Variants in EPHA3 observed in about 807,000 individuals in gnomAD.
EPHA3 encodes the protein ephrin type-A receptor 3.
EPHA3 carries 42 observed loss-of-function variants against 107.1 expected under a neutral mutation model. The observed-to-expected ratio is 0.39, with a 90% confidence interval of 0.31 to 0.51. The LOEUF (loss-of-function observed/expected upper bound fraction) is 0.51. Ranked by LOEUF, EPHA3 falls within the 20% of genes least tolerant of loss-of-function variation. The pLI, the probability that EPHA3 is intolerant of heterozygous loss-of-function variation, is 0.78. For synonymous variants in EPHA3, 461 were observed against 424.8 expected, an observed-to-expected ratio of 1.09 and a Z score of -1.05; for missense variants, 1,183 against 1,211.2, an observed-to-expected ratio of 0.98 and a Z score of 0.35.
chr3:89,340,889 T>G, intron 3 of EPHA3, 27 bp from the exon 4 acceptor site: 1 of 1,576,156 alleles, frequency 6.3e-7, no homozygotes, highest in African/African-American at 1.4e-5. Context: ...ATCACAGACT[T>G]TTAAAAGAGA....
chr3:89,144,295 C>T (rs1235233147), intron 2 of EPHA3, among the ~76,000 whole-genome samples: 1 of 151,666 alleles, frequency 6.6e-6, no homozygotes, highest in South Asian at 2.1e-4. Context: ...GTCGTTTTCC[C>T]TGTCAGAATG....
intron 2 of EPHA3, among the ~76,000 whole-genome samples, chr3:89,195,835 T>C (rs1705825914): frequency 6.6e-6 from 1 of 152,172 alleles, no homozygotes; most frequent in African/African-American, 2.4e-5. Flanking sequence ...TACTTAAATC[T>C]AATTGTTGCT....
chr3:89,357,907 GC>G (rs1241771197), intron 5 of EPHA3, among the ~76,000 whole-genome samples: 1 of 151,118 alleles, frequency 6.6e-6, no homozygotes, highest in Non-Finnish European at 1.5e-5. Flanking sequence ...ATTCTAAGCT[GC>G]TTTTACAAAT....
intron 5 of EPHA3, among the ~76,000 whole-genome samples, chr3:89,354,764 A>G (rs1707908087): frequency 6.6e-6 from 1 of 151,218 alleles, no homozygotes; most frequent in African/African-American, 2.4e-5. Context: ...CAATCTTACA[A>G]CAATTTTATA....
intron 3 of EPHA3, among the ~76,000 whole-genome samples, chr3:89,282,402 A>G (rs958264106): frequency 6.6e-6 from 1 of 152,116 alleles, no homozygotes; most frequent in Non-Finnish European, 1.5e-5. Flanking sequence ...TTGATTAATC[A>G]TAAGTACTTT....
At chr3:89,256,469 C>A (rs1276330319) in intron 3 of EPHA3, among the ~76,000 whole-genome samples, 21 of 151,408 alleles carry the variant, frequency 1.4e-4, no homozygotes, top group Admixed American at 1.2e-3. Context: ...TACTCGGGAA[C>A]CTGAGGCAGG....
chr3:89,338,597 G>A (rs192544888), intron 3 of EPHA3, among the ~76,000 whole-genome samples: 1 of 152,240 alleles, frequency 6.6e-6, no homozygotes, highest in East Asian at 1.9e-4. Flanking sequence ...CGCCCAGGCC[G>A]GACTGCAGTG....
intron 3 of EPHA3, among the ~76,000 whole-genome samples, chr3:89,297,772 C>T (rs143886976): frequency 0.034 from 5,151 of 152,098 alleles, 443 homozygotes; most frequent in Admixed American, 0.2. Context: ...TGGTGGCTCA[C>T]GCCTGTAATC....
intron 3 of EPHA3, among the ~76,000 whole-genome samples, chr3:89,224,630 C>G (rs1704457127): frequency 6.6e-6 from 1 of 152,052 alleles, no homozygotes; most frequent in Admixed American, 6.6e-5. Flanking sequence ...AGGCACATCA[C>G]TTGAGGTCAG....
intron 5 of EPHA3, among the ~76,000 whole-genome samples, chr3:89,381,806 G>A (rs548788015): frequency 2.6e-5 from 4 of 152,224 alleles, no homozygotes; most frequent in Non-Finnish European, 5.9e-5. Context: ...ATCTTGTGAA[G>A]ACACAATGAT....
chr3:89,396,295 GT>G (rs931195601), intron 6 of EPHA3, among the ~76,000 whole-genome samples: 1 of 152,018 alleles, frequency 6.6e-6, no homozygotes, highest in Non-Finnish European at 1.5e-5. Flanking sequence ...TTTGTGAACT[GT>G]TTTTTTAGTT....
At chr3:89,322,666 T>C (rs1707071329) in intron 3 of EPHA3, among the ~76,000 whole-genome samples, 1 of 151,790 alleles carries the variant, frequency 6.6e-6, no homozygotes, top group Admixed American at 6.6e-5. Context: ...GTGGGAAGAG[T>C]GTACCTATAT....
At chr3:89,110,395 G>A (rs1707075383) in intron 1 of EPHA3, among the ~76,000 whole-genome samples, 2 of 151,828 alleles carry the variant, frequency 1.3e-5, no homozygotes, top group Non-Finnish European at 3.0e-5. Flanking sequence ...CATCAATATT[G>A]AAATGCCATG....
At chr3:89,145,781 G>T (rs1017941899) in intron 2 of EPHA3, among the ~76,000 whole-genome samples, 1 of 151,350 alleles carries the variant, frequency 6.6e-6, no homozygotes, top group Non-Finnish European at 1.5e-5. Flanking sequence ...TCTCAAGTGT[G>T]TCTAGAATCG....
intron 3 of EPHA3, among the ~76,000 whole-genome samples, chr3:89,304,157 G>A (rs796906234): frequency 2.4e-4 from 36 of 152,100 alleles, no homozygotes; most frequent in African/African-American, 8.4e-4. Flanking sequence ...AACCAACTGT[G>A]GTTTTCCCTC....
intron 3 of EPHA3, among the ~76,000 whole-genome samples, chr3:89,324,345 A>AT (rs1707116327): frequency 6.7e-6 from 1 of 150,178 alleles, no homozygotes; most frequent in Admixed American, 6.6e-5. Flanking sequence ...TTTTTTTTGT[A>AT]TTTTTAGTAG....
At chr3:89,185,582 A>G (rs1053936919) in intron 2 of EPHA3, among the ~76,000 whole-genome samples, 7 of 151,984 alleles carry the variant, frequency 4.6e-5, no homozygotes, top group Non-Finnish European at 1.0e-4. Context: ...TGTCTTTTGT[A>G]TCTTCTCTAG....
chr3:89,428,273 CA>C, intron 11 of EPHA3, among the ~76,000 whole-genome samples: 1 of 152,024 alleles, frequency 6.6e-6, no homozygotes, highest in African/African-American at 2.4e-5. Context: ...GTATGATGAC[CA>C]GCAAGTTAAT....
Position 89,479,664 on chromosome 3 carries a change from T to C in EPHA3, c.*162T>C. On this transcript the variant is annotated 3_prime_UTR_variant, in exon 17 of 17. Transcript: ENST00000336596. ...CCTTAAAATGGAATTGAAAAACTCT[T>C]TATTTTCCCCTATCATTTATTGGAT... 1 of 558,942 alleles carries C rather than the reference T, an allele frequency of 1.8e-6. No homozygotes were observed. Among genetic ancestry groups the C allele is most frequent in the Non-Finnish European group, 3.2e-6 (1 of 313,940 alleles). The allele number at this position is 558,942 out of a possible 1,614,324, so 34.6% of individuals were successfully genotyped here. A position where few individuals can be genotyped will look rare whatever the true frequency, so the allele number is the denominator to read the frequency against.
Sources: gnomAD v4.1 joint callset for allele counts (sites outside exome capture counted in the v4.1 genomes callset) on GRCh38, gnomAD v4.1.1 for gene constraint, MANE v1.5 for transcripts, NCBI Gene and HGNC (gene_info 2026-07-23, HGNC 2026-07-21) for gene names.